SOX6: variants seen among roughly 807,000 people sequenced by gnomAD.
The protein encoded by SOX6 is SRY-box transcription factor 6.
Under a neutral mutation model 97.8 loss-of-function variants are expected in SOX6, and 11 were observed. The ratio of observed to expected loss-of-function variants is 0.11; its 90% CI spans 0.07 to 0.19. The LOEUF is 0.19. SOX6 is among the 10% of genes least tolerant of loss of function. SOX6 has a pLI of 1.00. For synonymous variants in SOX6, 360 were observed against 371.4 expected, an observed-to-expected ratio of 0.97 and a Z score of 0.35; for missense variants, 810 against 1,039.5, an observed-to-expected ratio of 0.78 and a Z score of 3.04.
chr11:16,025,031 C>A (rs1250604351), intron 12 of SOX6, among the ~76,000 whole-genome samples: 3 of 152,094 alleles, frequency 2.0e-5, no homozygotes, highest in African/African-American at 7.2e-5. Flanking sequence ...CCCTTTTAGG[C>A]TTGGAAGCCA....
chr11:16,426,178 C>T (rs1859125025), intron 1 of SOX6, among the ~76,000 whole-genome samples: 3 of 124,190 alleles, frequency 2.4e-5, no homozygotes, highest in South Asian at 2.8e-4. Flanking sequence ...ATGGTGTGAA[C>T]CCGGGAGGCA....
intron 15 of SOX6, among the ~76,000 whole-genome samples, chr11:15,981,108 G>A (rs916928149): frequency 6.6e-6 from 1 of 152,048 alleles, no homozygotes; most frequent in African/African-American, 2.4e-5. Context: ...TTGTCTATCA[G>A]AAATTGCTTT....
chr11:16,634,969 G>T (rs1342445031), intron 3 of SOX6, among the ~76,000 whole-genome samples: 2 of 152,162 alleles, frequency 1.3e-5, no homozygotes, highest in African/African-American at 4.8e-5. Context: ...ATGTGAAAAA[G>T]AAGATGTTTG....
intron 15 of SOX6, among the ~76,000 whole-genome samples, chr11:15,974,173 G>A (rs572384542): frequency 5.9e-5 from 9 of 152,084 alleles, no homozygotes; most frequent in Admixed American, 1.3e-4. Context: ...TATACAAGCC[G>A]GGGTCAGGGA....
intron 3 of SOX6, 149 bp downstream of exon 3, chr11:16,318,297 A>C (rs976584360): frequency 3.9e-6 from 3 of 762,772 alleles, no homozygotes; most frequent in Non-Finnish European, 6.6e-6. Context: ...AAAATCTGCC[A>C]TCACCATAGT....
rs1017077102 is a variant in SOX6, at chr11:15,967,881, C to T, written c.*4928G>A. The T allele has an allele frequency of 6.6e-6, 1 of 151,998 alleles. No homozygotes were observed. Among genetic ancestry groups the T allele is most frequent in the Non-Finnish European group, 1.5e-5 (1 of 68,012 alleles). The allele number at this position is 151,998 out of a possible 1,614,324, so 9.4% of individuals were successfully genotyped here. A position where few individuals can be genotyped will look rare whatever the true frequency, so the allele number is the denominator to read the frequency against. On this transcript the variant is annotated 3_prime_UTR_variant, in exon 16 of 16. Transcript: ENST00000683767. The stretch of plus-strand genomic sequence containing the variant: ...AAGAGTTATCTGCATTAAGCATTAC[C>T]TTTCTGCCCCCACCCCGCCCACCCT...
intron 4 of SOX6, among the ~76,000 whole-genome samples, chr11:16,503,228 A>C (rs1860735478): frequency 1.3e-5 from 2 of 152,044 alleles, no homozygotes; most frequent in South Asian, 4.2e-4. Flanking sequence ...CTACCCCTGG[A>C]AGTGATAAGA....
chr11:16,438,630 A>G (rs775688959), intron 1 of SOX6, among the ~76,000 whole-genome samples: 2 of 151,978 alleles, frequency 1.3e-5, no homozygotes, highest in Admixed American at 6.6e-5. Flanking sequence ...TCTGAAGAGG[A>G]TCTGGTCTAA....
At chr11:16,606,932 C>T (rs922967818) in intron 4 of SOX6, among the ~76,000 whole-genome samples, 2 of 152,188 alleles carry the variant, frequency 1.3e-5, no homozygotes, top group African/African-American at 4.8e-5. Context: ...TCAGCGCGTC[C>T]ACCAGCGAGC....
At chr11:16,101,366 A>C (rs1337455542) in intron 7 of SOX6, among the ~76,000 whole-genome samples, 4 of 151,672 alleles carry the variant, frequency 2.6e-5, no homozygotes, top group Non-Finnish European at 5.9e-5. Context: ...AGCAAGGATT[A>C]TAATATATAT....
At chr11:16,701,549 C>A (rs2134041600) in intron 3 of SOX6, among the ~76,000 whole-genome samples, 1 of 152,176 alleles carries the variant, frequency 6.6e-6, no homozygotes, top group East Asian at 1.9e-4. Flanking sequence ...TTTCTCATTT[C>A]TTTCCTTCAC....
intron 4 of SOX6, among the ~76,000 whole-genome samples, chr11:16,195,614 A>G (rs939565976): frequency 7.9e-5 from 12 of 152,222 alleles, no homozygotes; most frequent in Admixed American, 2.6e-4. Context: ...ATTAAGTGAC[A>G]TGTCTGAATT....
In SOX6 at chr11:16,167,460, C is replaced by T. The variant is rs546631922; in HGVS notation, c.777+16426G>A. Among the ~76,000 whole-genome samples, 3 of 152,250 alleles carry T rather than the reference C, an allele frequency of 2.0e-5. No individual in the cohort carries two copies. In the South Asian group the frequency reaches 6.2e-4, roughly 32 times the overall value. On this transcript the variant is annotated intron_variant, in intron 6 of 15. Coordinates refer to ENST00000683767, the MANE Select transcript of SOX6 (RefSeq NM_001367873.1). ...GTAGCCAGAATGAGCCTGTCAAAACCCAAGTCAGGGCACGCCGTTCTTTCC... is the reference window on the plus strand; with the variant it reads ...GTAGCCAGAATGAGCCTGTCAAAACTCAAGTCAGGGCACGCCGTTCTTTCC...
At chr11:16,563,479 A>C (rs1050851960) in intron 4 of SOX6, among the ~76,000 whole-genome samples, 5 of 152,152 alleles carry the variant, frequency 3.3e-5, no homozygotes, top group African/African-American at 1.2e-4. Flanking sequence ...ACAAAAATAG[A>C]AGCTCAATAG....
rs1185282260 is a variant in SOX6 at position 16,547,606 on chromosome 11, T to C, written n.609+64475A>G. On this transcript the variant is annotated intron_variant and non_coding_transcript_variant, in intron 4 of 5. Transcript: ENST00000524520. ...AGCTAAAAGAGGTTAATCATGAGAA[T>C]GTCGACAAGAGATTAGGAAGAATGT... Among the ~76,000 whole-genome samples the C allele has an allele frequency of 2.0e-5, 3 of 152,152 alleles. No homozygotes were observed. In the East Asian group the frequency reaches 5.8e-4, roughly 29 times the overall value.
chr11:16,176,231 T>G (rs1851182914), intron 6 of SOX6, among the ~76,000 whole-genome samples: 1 of 151,876 alleles, frequency 6.6e-6, no homozygotes, highest in African/African-American at 2.4e-5. Flanking sequence ...GATTACCCAC[T>G]AGAATCATCT....
At chr11:16,297,495 CTATT>C (rs1488949272) in intron 3 of SOX6, among the ~76,000 whole-genome samples, 7 of 152,108 alleles carry the variant, frequency 4.6e-5, no homozygotes, top group African/African-American at 1.4e-4. Flanking sequence ...GAAAAAAAAT[CTATT>C]TAATGTCTGC....
intron 6 of SOX6, among the ~76,000 whole-genome samples, chr11:16,132,262 AGAAAGAAG>A (rs1244451369): frequency 2.6e-4 from 29 of 113,560 alleles, no homozygotes; most frequent in African/African-American, 6.4e-4. Context: ...GAAGAAAGAA[AGAAAGAAG>A]GAAGGAAGGA....
chr11:16,161,476 CAA>C (rs1850748405), intron 6 of SOX6, among the ~76,000 whole-genome samples: 1 of 151,756 alleles, frequency 6.6e-6, no homozygotes, highest in Non-Finnish European at 1.5e-5. Context: ...AATATTATGT[CAA>C]GTTTATTTAA....
Sources: gnomAD v4.1 joint callset for allele counts (sites outside exome capture counted in the v4.1 genomes callset) on GRCh38, gnomAD v4.1.1 for gene constraint, MANE v1.5 for transcripts, NCBI Gene and HGNC (gene_info 2026-07-23, HGNC 2026-07-21) for gene names.